The following ITPR2 variants were observed in gnomAD, a reference collection of about 807,000 sequenced individuals.
ITPR2 encodes the protein inositol 1,4,5-trisphosphate receptor type 2.
In ITPR2, 207 loss-of-function variants were observed where a neutral mutation model predicts 317.1. The observed-to-expected ratio is 0.65, with a 90% CI of 0.58 to 0.73. The LOEUF is 0.73. ITPR2 is among the 30% of genes least tolerant of loss of function. The pLI is 0.00. For synonymous variants in ITPR2, 1,156 were observed against 1,149.1 expected (o/e 1.01, Z -0.12); for missense variants, 2,613 against 3,284.0 (o/e 0.80, Z 4.99).
intron 15 of ITPR2, among the ~76,000 whole-genome samples, chr12:26,659,991 A>G (rs967907443): frequency 3.9e-5 from 6 of 152,240 alleles, no homozygotes; most frequent in African/African-American, 1.4e-4. Flanking sequence ...TTTGCCCAAT[A>G]AATGTTTCTT....
intron 2 of ITPR2, among the ~76,000 whole-genome samples, chr12:26,786,867 G>A (rs1320752901): frequency 6.6e-6 from 1 of 152,216 alleles, no homozygotes; most frequent in East Asian, 1.9e-4. Flanking sequence ...CTGAGGTGCA[G>A]CTGAACTGTT....
intron 1 of ITPR2, among the ~76,000 whole-genome samples, chr12:26,790,624 CACAT>C (rs1950326363): frequency 6.7e-6 from 1 of 149,100 alleles, no homozygotes; most frequent in Admixed American, 6.7e-5. Context: ...CACACTTCTA[CACAT>C]ACATATATAA....
chr12:26,712,634 T>TACACACACAC (rs67872654), intron 8 of ITPR2, among the ~76,000 whole-genome samples: 11 of 149,040 alleles, frequency 7.4e-5, no homozygotes, highest in African/African-American at 2.7e-4. Context: ...TTGTCTCAAA[T>TACACACACAC]ACACACACAC....
chr12:26,356,502 A>G (rs1268990173), intron 55 of ITPR2, among the ~76,000 whole-genome samples: 1 of 152,240 alleles, frequency 6.6e-6, no homozygotes, highest in East Asian at 1.9e-4. Context: ...GATCATAATT[A>G]TAAGATGCGT....
In ITPR2 at chr12:26,702,965, C is replaced by T. The variant is rs974866637; in HGVS notation, c.952-7315G>A. Reference sequence around the variant, plus strand: ...GTGTTTTCTCTATGTGATTCAACTACGGAATTTCCAGCATATCAAATGGTC... The same window carrying T: ...GTGTTTTCTCTATGTGATTCAACTATGGAATTTCCAGCATATCAAATGGTC... On this transcript the variant is annotated intron_variant, in intron 9 of 56. Transcript: ENST00000381340. Among the ~76,000 whole-genome samples, 14 of 152,168 alleles carry T rather than the reference C, an allele frequency of 9.2e-5. No homozygotes were observed. In the South Asian group the frequency reaches 1.2e-3, roughly 14 times the overall value.
At chr12:26,717,970 G>A (rs1948769864) in intron 5 of ITPR2, among the ~76,000 whole-genome samples, 1 of 152,182 alleles carries the variant, frequency 6.6e-6, no homozygotes, top group Non-Finnish European at 1.5e-5. Context: ...CCATGTAGAG[G>A]CCTGAGTCAT....
intron 2 of ITPR2, among the ~76,000 whole-genome samples, chr12:26,733,836 T>C (rs1012713745): frequency 6.6e-6 from 1 of 152,178 alleles, no homozygotes; most frequent in Non-Finnish European, 1.5e-5. Flanking sequence ...CAATGTGCCA[T>C]GTTAACACTG....
chr12:26,699,670 G>A (rs1386126549), intron 9 of ITPR2, among the ~76,000 whole-genome samples: 2 of 152,120 alleles, frequency 1.3e-5, no homozygotes, highest in African/African-American at 2.4e-5. Flanking sequence ...AGGAAGAGGA[G>A]AAGGGAAAGA....
At chr12:26,575,560 A>T (rs1945255651) in intron 34 of ITPR2, among the ~76,000 whole-genome samples, 1 of 151,814 alleles carries the variant, frequency 6.6e-6, no homozygotes, top group African/African-American at 2.4e-5. Context: ...TGGAAACCTC[A>T]CTCTTCACCT....
chr12:26,605,126 A>AATATATATATATATATATAT (rs71069256), intron 26 of ITPR2, among the ~76,000 whole-genome samples: 6 of 136,308 alleles, frequency 4.4e-5, no homozygotes, highest in Non-Finnish European at 9.6e-5. Flanking sequence ...AAAAAATAAA[A>AATATATATATATATATATAT]ATATATATAT....
At chr12:26,798,875 A>C (rs1950504266) in intron 1 of ITPR2, among the ~76,000 whole-genome samples, 1 of 152,244 alleles carries the variant, frequency 6.6e-6, no homozygotes, top group Admixed American at 6.5e-5. Context: ...AAACAGATGC[A>C]ACATGCCACA....
intron 1 of ITPR2, among the ~76,000 whole-genome samples, chr12:26,818,448 A>G (rs2137286411): frequency 6.6e-6 from 1 of 152,358 alleles, no homozygotes; most frequent in Non-Finnish European, 1.5e-5. Context: ...ACTGACCAGG[A>G]AAGGAGGCTC....
chr12:26,406,512 C>T (rs1485753062), intron 52 of ITPR2: 2 of 149,140 alleles, frequency 1.3e-5, no homozygotes, highest in Non-Finnish European at 3.0e-5. Flanking sequence ...CAATGACCTT[C>T]CCTGCATCCA....
At chr12:26,503,669 T>C (rs1014728137) in intron 37 of ITPR2, among the ~76,000 whole-genome samples, 10 of 152,228 alleles carry the variant, frequency 6.6e-5, no homozygotes, top group Non-Finnish European at 1.5e-4. Context: ...GCCCCAAGGC[T>C]CAGTTTCCCC....
At position 26,400,278 on chromosome 12, in the gene ITPR2, T is replaced by C. The variant is rs369710502; in HGVS notation, c.7400-20A>G. The C allele has an allele frequency of 2.8e-6, 4 of 1,425,238 alleles. No individual in the cohort carries two copies. The highest frequency in any genetic ancestry group is 3.8e-6 in the Non-Finnish European group (4 of 1,058,008). 88.3% of individuals were successfully genotyped at this position (1,425,238 alleles called of 1,614,324 possible). ...CATCAGCTATAAAAACACATACAAA[T>C]ATATGATATAAAATTATGTAAAAAT... On this transcript the variant is annotated intron_variant, in intron 52 of 56. Transcript: ENST00000381340.
chr12:26,769,449 G>A (rs1303106156), intron 2 of ITPR2, among the ~76,000 whole-genome samples: 3 of 151,986 alleles, frequency 2.0e-5, no homozygotes, highest in South Asian at 2.1e-4. Context: ...AGTTGACTTC[G>A]GCTTGAATAC....
intron 36 of ITPR2, among the ~76,000 whole-genome samples, chr12:26,554,033 C>T (rs949318421): frequency 6.6e-6 from 1 of 152,138 alleles, no homozygotes; most frequent in African/African-American, 2.4e-5. Flanking sequence ...GCAATGTATT[C>T]CTATTATCAC....
At chr12:26,474,542 C>G (rs1196129501) in intron 45 of ITPR2, among the ~76,000 whole-genome samples, 2 of 152,002 alleles carry the variant, frequency 1.3e-5, no homozygotes, top group East Asian at 3.9e-4. Context: ...GCCTGTAATC[C>G]CAGCACTTTG....
chr12:26,462,990 G>A (rs576845678), intron 45 of ITPR2, among the ~76,000 whole-genome samples: 11 of 152,120 alleles, frequency 7.2e-5, no homozygotes, highest in South Asian at 2.1e-4. Flanking sequence ...AGCTTTCTTC[G>A]TTTATGTCTG....
Sources: allele counts gnomAD v4.1 joint callset (sites outside exome capture counted in the v4.1 genomes callset), GRCh38; gene constraint gnomAD v4.1.1; transcripts MANE v1.5; gene names NCBI Gene and HGNC (gene_info 2026-07-23, HGNC 2026-07-21).